The following ZNF469 variants were observed in gnomAD, a reference collection of about 807,000 sequenced individuals.
ZNF469 encodes the protein zinc finger protein 469.
Under a neutral mutation model 1.0 loss-of-function variants are expected in ZNF469, and 1 was observed. That is an observed-to-expected ratio of 1.00 (90% confidence interval 0.35 to 4.73). The LOEUF is 4.73. ZNF469 is among the 30% of genes most tolerant of loss of function. ZNF469 has a pLI of 0.16. For synonymous variants in ZNF469, 2,703 were observed against 2,363.4 expected, an observed-to-expected ratio of 1.14 and a Z score of -4.17; for missense variants, 6,100 against 5,356.3, an observed-to-expected ratio of 1.14 and a Z score of -4.33.
chr16:88,285,708 C>A, the ZNF469 span, among the ~76,000 whole-genome samples: 1 of 152,242 alleles, frequency 6.6e-6, no homozygotes, highest in Non-Finnish European at 1.5e-5. Context: ...GGAGAGCAAG[C>A]CAGCTGGTGA....
the ZNF469 span, among the ~76,000 whole-genome samples, chr16:88,204,758 T>C: frequency 6.6e-5 from 10 of 152,300 alleles, no homozygotes; most frequent in Middle Eastern, 3.4e-3. Context: ...CCTTCTGGAA[T>C]CTAAAGGGTC....
chr16:88,229,040 A>T, the ZNF469 span, among the ~76,000 whole-genome samples: 2 of 152,252 alleles, frequency 1.3e-5, no homozygotes, highest in Non-Finnish European at 2.9e-5. Flanking sequence ...GTCAACAAAC[A>T]GCATTTAACC....
the ZNF469 span, among the ~76,000 whole-genome samples, chr16:88,358,990 G>A: frequency 6.6e-6 from 1 of 152,146 alleles, no homozygotes; most frequent in South Asian, 2.1e-4. Flanking sequence ...CAGCTCTTGG[G>A]AGCATAAGTG....
the ZNF469 span, among the ~76,000 whole-genome samples, chr16:88,107,718 C>T: frequency 6.6e-6 from 1 of 152,206 alleles, no homozygotes; most frequent in Admixed American, 6.5e-5. Flanking sequence ...GGCCCTGGGA[C>T]ATAGACGCGG....
chr16:88,239,541 G>A, the ZNF469 span, among the ~76,000 whole-genome samples: 1 of 148,432 alleles, frequency 6.7e-6, no homozygotes, highest in African/African-American at 2.5e-5. Context: ...AGGCTGGGGT[G>A]CAGTGGCGCG....
chr16:88,394,137 C>T (rs1002313644), intron 1 of ZNF469, among the ~76,000 whole-genome samples: 4 of 150,868 alleles, frequency 2.7e-5, no homozygotes, highest in African/African-American at 9.8e-5. Context: ...TTTGACACGC[C>T]TACACCTGCG....
the ZNF469 span, among the ~76,000 whole-genome samples, chr16:88,365,236 T>C: frequency 1.3e-5 from 2 of 152,314 alleles, no homozygotes; most frequent in South Asian, 2.1e-4. Context: ...GTGCCAGATA[T>C]TAGTTGTGTT....
chr16:88,307,037 C>T, the ZNF469 span, among the ~76,000 whole-genome samples: 1 of 152,206 alleles, frequency 6.6e-6, no homozygotes, highest in African/African-American at 2.4e-5. Context: ...TGGCAACCGC[C>T]AATCCACTTC....
At chr16:88,376,087 G>A in the ZNF469 span, among the ~76,000 whole-genome samples, 10 of 152,366 alleles carry the variant, frequency 6.6e-5, no homozygotes, top group South Asian at 1.2e-3. Flanking sequence ...CGGGCGGCAC[G>A]CAGGCCCAGG....
the ZNF469 span, among the ~76,000 whole-genome samples, chr16:88,198,975 C>T: frequency 1.3e-5 from 2 of 152,220 alleles, no homozygotes; most frequent in African/African-American, 4.8e-5. Context: ...GCCTCATGTT[C>T]TCTGTTAGCT....
intron 1 of ZNF469, among the ~76,000 whole-genome samples, chr16:88,409,050 G>A (rs1322503299): frequency 6.6e-6 from 1 of 152,230 alleles, no homozygotes; most frequent in Non-Finnish European, 1.5e-5. Context: ...GATGGGGCTG[G>A]GGCTGGGGCT....
chr16:88,350,274 C>A, the ZNF469 span, among the ~76,000 whole-genome samples: 1 of 152,256 alleles, frequency 6.6e-6, no homozygotes, highest in Non-Finnish European at 1.5e-5. Flanking sequence ...AGGGCCCTGC[C>A]CCCCCGTCCG....
At chr16:88,129,671 T>C in the ZNF469 span, among the ~76,000 whole-genome samples, 2 of 152,066 alleles carry the variant, frequency 1.3e-5, no homozygotes, top group Non-Finnish European at 2.9e-5. Flanking sequence ...CTAGGCAACA[T>C]GGGAGACCCC....
rs1234906424 is a variant in ZNF469, at chr16:88,440,702, A to G, written c.*1370A>G. ...GAGGGGCCCTGAGGTTGTACTGTAA[A>G]CATCATAGTGACTTGTCTTTTCAAA... On this transcript the variant is annotated 3_prime_UTR_variant, in exon 3 of 3. Transcript: ENST00000565624. 6.6e-6 allele frequency: 1 copy of G among 152,110 alleles called. No individual in the cohort carries two copies. Among genetic ancestry groups the G allele is most frequent in the Non-Finnish European group, 1.5e-5 (1 of 68,014 alleles). The allele number at this position is 152,110 out of a possible 1,614,324, so 9.4% of individuals were successfully genotyped here. A position where few individuals can be genotyped will look rare whatever the true frequency, so the allele number is the denominator to read the frequency against.
chr16:88,112,222 G>A, the ZNF469 span, among the ~76,000 whole-genome samples: 2 of 152,182 alleles, frequency 1.3e-5, no homozygotes, highest in African/African-American at 2.4e-5. Context: ...TGGATCCCTT[G>A]AGGTCAGGAG....
the ZNF469 span, among the ~76,000 whole-genome samples, chr16:88,338,491 G>A: frequency 7.2e-5 from 11 of 152,252 alleles, no homozygotes; most frequent in East Asian, 1.9e-4. Flanking sequence ...TGTTTGCCCC[G>A]CACAAGTATT....
At chr16:88,104,877 C>A in the ZNF469 span, among the ~76,000 whole-genome samples, 1 of 152,090 alleles carries the variant, frequency 6.6e-6, no homozygotes, top group African/African-American at 2.4e-5. Flanking sequence ...GTGTGTGGAC[C>A]TCTGGTTATT....
the ZNF469 span, among the ~76,000 whole-genome samples, chr16:88,312,451 T>C: frequency 6.6e-6 from 1 of 152,240 alleles, no homozygotes; most frequent in Non-Finnish European, 1.5e-5. Flanking sequence ...GTTTCTGATA[T>C]ATAAGTTGCC....
chr16:88,109,020 G>C, the ZNF469 span, among the ~76,000 whole-genome samples: 1 of 152,208 alleles, frequency 6.6e-6, no homozygotes, highest in African/African-American at 2.4e-5. Flanking sequence ...TGACTGTTGT[G>C]CTTTTTAGCC....
Sources: gnomAD v4.1 joint callset for allele counts (sites outside exome capture counted in the v4.1 genomes callset) on GRCh38, gnomAD v4.1.1 for gene constraint, MANE v1.5 for transcripts, NCBI Gene and HGNC (gene_info 2026-07-23, HGNC 2026-07-21) for gene names.